Variants in PLXDC2 observed in about 807,000 individuals in gnomAD.
The protein encoded by PLXDC2 is plexin domain-containing protein 2.
A neutral mutation model predicts 68.9 loss-of-function variants in PLXDC2; 40 were observed. The ratio of observed to expected loss-of-function variants is 0.58; its 90% CI spans 0.45 to 0.76. The LOEUF is 0.76. Among genes scored for constraint, PLXDC2 ranks in the 30% least tolerant of loss-of-function variants. PLXDC2 has a pLI of 0.00. For missense variants in PLXDC2, 644 were observed against 661.9 expected, an observed-to-expected ratio of 0.97 and a Z score of 0.30; for synonymous variants, 243 against 234.2, an observed-to-expected ratio of 1.04 and a Z score of -0.34.
chr10:20,035,581 A>G (rs963067734), intron 2 of PLXDC2, among the ~76,000 whole-genome samples: 12 of 152,072 alleles, frequency 7.9e-5, no homozygotes, highest in African/African-American at 2.9e-4. Flanking sequence ...CTGTAATCCC[A>G]GCTACTCCCT....
intron 2 of PLXDC2, among the ~76,000 whole-genome samples, chr10:20,011,822 G>T (rs573501206): frequency 1.3e-5 from 2 of 152,300 alleles, no homozygotes; most frequent in Admixed American, 6.5e-5. Flanking sequence ...GTAGTATGAT[G>T]AATCTACTCT....
chr10:20,033,364 C>T (rs1281291906), intron 2 of PLXDC2, among the ~76,000 whole-genome samples: 1 of 152,012 alleles, frequency 6.6e-6, no homozygotes, highest in East Asian at 1.9e-4. Flanking sequence ...AATATTTTTA[C>T]ATAAGGGGAT....
chr10:19,972,084 A>G (rs539425709), intron 1 of PLXDC2, among the ~76,000 whole-genome samples: 9 of 152,306 alleles, frequency 5.9e-5, no homozygotes, highest in Non-Finnish European at 1.0e-4. Context: ...TTGAGATATC[A>G]TTTGAAATGG....
intron 2 of PLXDC2, among the ~76,000 whole-genome samples, chr10:20,029,244 A>G (rs1835458187): frequency 6.6e-6 from 1 of 152,198 alleles, no homozygotes; most frequent in Non-Finnish European, 1.5e-5. Flanking sequence ...ACTGGTTTGG[A>G]AAAGAGATAT....
At chr10:19,936,794 A>G (rs2148301) in intron 1 of PLXDC2, among the ~76,000 whole-genome samples, 7,190 of 152,268 alleles carry the variant, frequency 0.047, 183 homozygotes, top group Non-Finnish European at 0.057. Flanking sequence ...TTGGATCTCA[A>G]TGGCAATTAA....
chr10:20,117,276 A>G (rs1442467751), intron 4 of PLXDC2, among the ~76,000 whole-genome samples: 9 of 152,238 alleles, frequency 5.9e-5, no homozygotes, highest in Admixed American at 5.2e-4. Context: ...GAGTACATAA[A>G]TAAATAATGA....
chr10:20,245,448 T>G lies in PLXDC2; in HGVS notation c.1416T>G (p.Leu472=). Residue 472 remains leucine, a synonymous_variant, in exon 13 of 14, where the codon CTT becomes CTG. Coordinates refer to ENST00000377252, the MANE Select transcript of PLXDC2 (RefSeq NM_032812.9). ...TCCTCATTGTAGCCACAGCCATTCTTGTGACAGTCTATATGTATCACCACC... is the reference window on the plus strand; with the variant it reads ...TCCTCATTGTAGCCACAGCCATTCTGGTGACAGTCTATATGTATCACCACC... The part of the protein sequence containing the change: ...ILVLIVATAI[L]VTVYMYHHPT... 3 of 1,613,604 alleles carry G rather than the reference T, an allele frequency of 1.9e-6. No individual in the cohort carries two copies. In the South Asian group the frequency reaches 3.3e-5, roughly 18 times the overall value.
At position 20,207,329 on chromosome 10, in the gene PLXDC2, C is replaced by G. The variant is rs532499497; in HGVS notation, c.1062-4340C>G. Among the ~76,000 whole-genome samples the G allele has an allele frequency of 3.0e-4, 45 of 152,224 alleles. No homozygotes were observed. In the South Asian group the frequency reaches 9.1e-3, roughly 31 times the overall value. On this transcript the variant is annotated intron_variant, in intron 9 of 13. Transcript: ENST00000377252. The stretch of plus-strand genomic sequence containing the variant: ...AAACAAACTGCATTTCTGCACTTTT[C>G]CCTGGGATTAATTTAATAATTTAAA...
intron 3 of PLXDC2, among the ~76,000 whole-genome samples, chr10:20,054,373 C>G (rs111588155): frequency 5.3e-5 from 8 of 151,670 alleles, no homozygotes; most frequent in African/African-American, 1.2e-4. Context: ...TCTCTCAGAT[C>G]AATAAATTTG....
intron 4 of PLXDC2, among the ~76,000 whole-genome samples, chr10:20,132,634 A>T (rs1340167594): frequency 3.3e-5 from 5 of 151,906 alleles, no homozygotes; most frequent in Non-Finnish European, 5.9e-5. Flanking sequence ...CTTTTGTCTG[A>T]TATAGTTACG....
At chr10:20,228,587 G>GAAGA (rs1835316803) in intron 12 of PLXDC2, among the ~76,000 whole-genome samples, 1 of 132,176 alleles carries the variant, frequency 7.6e-6, no homozygotes, top group Non-Finnish European at 1.7e-5. Flanking sequence ...AAAAAGGCAG[G>GAAGA]AAGGCAGGAA....
At chr10:20,189,504 T>TACAC (rs547607565) in intron 9 of PLXDC2, among the ~76,000 whole-genome samples, 2 of 121,598 alleles carry the variant, frequency 1.6e-5, no homozygotes, top group Admixed American at 9.0e-5. Context: ...TATATATATA[T>TACAC]ACACATACAC....
intron 4 of PLXDC2, among the ~76,000 whole-genome samples, chr10:20,139,051 A>G (rs1833968444): frequency 6.6e-6 from 1 of 152,242 alleles, no homozygotes; most frequent in South Asian, 2.1e-4. Context: ...TAATGATTGA[A>G]TGGGATTTAT....
At chr10:20,122,883 C>T (rs532376898) in intron 4 of PLXDC2, among the ~76,000 whole-genome samples, 8 of 152,102 alleles carry the variant, frequency 5.3e-5, no homozygotes, top group Non-Finnish European at 7.4e-5. Context: ...GAGAATAAGA[C>T]GGCCTTTTGA....
chr10:19,918,209 A>G (rs1178062030), intron 1 of PLXDC2, among the ~76,000 whole-genome samples: 1 of 152,088 alleles, frequency 6.6e-6, no homozygotes, highest in African/African-American at 2.4e-5. Context: ...CTAGTCCTCC[A>G]CTGTTTGAGA....
In PLXDC2 at chr10:20,177,552, C is replaced by T. The variant is rs142318150; in HGVS notation, c.1061+143C>T. The T allele has an allele frequency of 1.2e-3, 374 of 312,938 alleles. 1 individual carries two copies. The highest frequency in any genetic ancestry group is 7.5e-3 in the African/African-American group (340 of 45,280). The allele number at this position is 312,938 out of a possible 1,614,324, so 19.4% of individuals were successfully genotyped here. A position where few individuals can be genotyped will look rare whatever the true frequency, so the allele number is the denominator to read the frequency against. On this transcript the variant is annotated intron_variant, in intron 9 of 13. Transcript: ENST00000377252. ...AGAGAAAGTAGGAGGGATGCTTGAA[C>T]CCAGGAGTTCAAGATCAGCCTGGGC...
At chr10:20,006,578 T>TAAAACAACAACAACAACAAAAATCCC (rs1481537307) in intron 2 of PLXDC2, among the ~76,000 whole-genome samples, 2 of 152,160 alleles carry the variant, frequency 1.3e-5, no homozygotes, top group Non-Finnish European at 2.9e-5. Flanking sequence ...TTAACTTAAA[T>TAAAACAACAACAACAACAAAAATCCC]AAAACAACAA....
chr10:20,233,789 C>T (rs2131881050), intron 12 of PLXDC2, among the ~76,000 whole-genome samples: 1 of 152,194 alleles, frequency 6.6e-6, no homozygotes, highest in Admixed American at 6.5e-5. Context: ...AAAATAGCAG[C>T]ACCAACTTTG....
At chr10:20,141,053 A>G (rs1834000808) in intron 4 of PLXDC2, among the ~76,000 whole-genome samples, 2 of 152,114 alleles carry the variant, frequency 1.3e-5, no homozygotes, top group Admixed American at 6.6e-5. Context: ...TAAAAACCAT[A>G]TCTATGGCTT....
Sources: allele counts gnomAD v4.1 joint callset (sites outside exome capture counted in the v4.1 genomes callset), GRCh38; gene constraint gnomAD v4.1.1; transcripts MANE v1.5; gene names NCBI Gene and HGNC (gene_info 2026-07-23, HGNC 2026-07-21).